ZNF525: variants seen among roughly 807,000 people sequenced by gnomAD.
ZNF525 encodes the protein zinc finger protein 525.
In ZNF525, 33 loss-of-function variants were observed where a neutral mutation model predicts 37.6. The observed-to-expected ratio is 0.88, with a 90% CI of 0.67 to 1.17. The LOEUF is 1.17. Among genes scored for constraint, ZNF525 ranks in the 50% most tolerant of loss-of-function variants. The pLI is 0.00. For missense variants in ZNF525, 449 were observed against 543.1 expected (o/e 0.83, Z 1.72); for synonymous variants, 170 against 182.3 (o/e 0.93, Z 0.54).
chr19:53,383,120 C>T lies in ZNF525; in HGVS notation c.*1101C>T. The T allele has an allele frequency of 7.6e-7, 1 of 1,324,438 alleles. No homozygotes were observed. The highest frequency in any genetic ancestry group is 1.2e-5 in the South Asian group (1 of 85,588). 82.0% of individuals were successfully genotyped at this position (1,324,438 alleles called of 1,614,324 possible). On this transcript the variant is annotated 3_prime_UTR_variant, in exon 4 of 4. Coordinates refer to ENST00000474037, the MANE Select transcript of ZNF525 (RefSeq NM_001348156.2). ...TAATCAACAAGCACACCTTGCACGT[C>T]ATCATAGAACTCATACTGGAGAGAA...
In ZNF525 at chr19:53,386,129, C is replaced by G; in HGVS notation, c.*4110C>G. ...TGAGATGGCAACATTACACTCTAGC[C>G]TGAGCAACAAGAGCAAAACTCCATC... On this transcript the variant is annotated 3_prime_UTR_variant, in exon 4 of 4. Transcript: ENST00000474037. 4.8e-6 allele frequency: 2 copies of G among 413,564 alleles called. No individual in the cohort carries two copies. Among genetic ancestry groups the G allele is most frequent in the South Asian group, 3.9e-5 (2 of 51,006 alleles). 25.6% of individuals were successfully genotyped at this position (413,564 alleles called of 1,614,324 possible).
intron 1 of ZNF525, among the ~76,000 whole-genome samples, chr19:53,370,012 C>T (rs2085475707): frequency 1.3e-5 from 2 of 151,120 alleles, no homozygotes; most frequent in South Asian, 4.2e-4. Context: ...GCGTGAGCCA[C>T]CGCGCCCGGC....
chr19:53,368,721 G>T (rs1256375692), intron 1 of ZNF525, among the ~76,000 whole-genome samples: 4 of 152,160 alleles, frequency 2.6e-5, no homozygotes, highest in Non-Finnish European at 5.9e-5. Flanking sequence ...GGCCAGAAGG[G>T]TCGGGGTTCC....
rs1460942500 is a variant in ZNF525 at position 53,381,397 on chromosome 19, G to A, written c.818G>A (p.Cys273Tyr). 17 of 1,596,344 alleles carry A rather than the reference G, an allele frequency of 1.1e-5. No individual in the cohort carries two copies. The highest frequency in any genetic ancestry group is 1.4e-5 in the Non-Finnish European group (16 of 1,163,840). The change falls in exon 4 of 4, where the codon TGT (cysteine) becomes TAT (tyrosine). Residue 273 changes from cysteine (C) to tyrosine (Y), a missense_variant. Coordinates refer to ENST00000474037, the MANE Select transcript of ZNF525 (RefSeq NM_001348156.2). ...RCHTGEKPYK[C>Y]NECGKSFSQM... Reference sequence around the variant, plus strand: ...CACACTGGTGAGAAACCTTACAAGTGTAATGAGTGTGGCAAGTCCTTCAGT... The same window carrying A: ...CACACTGGTGAGAAACCTTACAAGTATAATGAGTGTGGCAAGTCCTTCAGT...
intron 2 of ZNF525, 71 bp downstream of exon 2, chr19:53,372,367 CT>C: frequency 1.3e-6 from 1 of 747,298 alleles, no homozygotes; most frequent in Non-Finnish European, 2.4e-6. Flanking sequence ...AGTTGGGAAT[CT>C]TCTAAGTCTG....
intron 2 of ZNF525, 24 bp from the exon 3 acceptor site, chr19:53,375,746 G>C (rs532112883): frequency 1.9e-6 from 3 of 1,612,352 alleles, no homozygotes; most frequent in Non-Finnish European, 2.5e-6. Flanking sequence ...ATAACCATTT[G>C]GTTAAAATGT....
In ZNF525 at chr19:53,381,507, C is replaced by T. The variant is rs748478250; in HGVS notation, c.928C>T (p.His310Tyr). ...TGAAGAATGTGACAAAGCTTTCAGA[C>T]ACAATTCAGCCCTTCAAAGACATAG... ...KCEECDKAFRHNSALQRHRRI... is the reference protein window; with the variant it reads ...KCEECDKAFRYNSALQRHRRI... The change falls in exon 4 of 4, where the codon CAC (histidine) becomes TAC (tyrosine). Residue 310 changes from histidine (H) to tyrosine (Y), a missense_variant. Around this residue, in one of 2 missense-constraint regions of ZNF525, gnomAD observed 271 missense variants for 381.6 expected, o/e 0.71. Transcript: ENST00000474037. The T allele has an allele frequency of 7.6e-6, 10 of 1,310,232 alleles. No homozygotes were observed. The highest frequency in any genetic ancestry group is 1.7e-5 in the Admixed American group (1 of 59,580). The allele number at this position is 1,310,232 out of a possible 1,614,324, so 81.2% of individuals were successfully genotyped here.
intron 1 of ZNF525, among the ~76,000 whole-genome samples, chr19:53,367,474 G>A (rs1469557602): frequency 1.3e-5 from 2 of 152,164 alleles, no homozygotes; most frequent in Non-Finnish European, 2.9e-5. Context: ...CTGAGTGGTA[G>A]TCTGCCTGGT....
intron 3 of ZNF525, among the ~76,000 whole-genome samples, chr19:53,379,827 C>A (rs2085546565): frequency 6.6e-6 from 1 of 152,002 alleles, no homozygotes; most frequent in Non-Finnish European, 1.5e-5. Context: ...TATGATGTAA[C>A]CCTATCTCTA....
chr19:53,382,330 G>A lies in ZNF525; in HGVS notation c.*311G>A, dbSNP rs2085572524. 7.5e-7 allele frequency: 1 copy of A among 1,326,070 alleles called. No homozygotes were observed. The highest frequency in any genetic ancestry group is 1.1e-6 in the Non-Finnish European group (1 of 920,044). The allele number at this position is 1,326,070 out of a possible 1,614,324, so 82.1% of individuals were successfully genotyped here. On this transcript the variant is annotated 3_prime_UTR_variant, in exon 4 of 4. Transcript: ENST00000474037. ...GAGAAACCTTACAAATGTGAAGAAT[G>A]TGATGAAACTTTCAGATACAAATCA...
In ZNF525 at chr19:53,372,960, G is replaced by A. The variant is rs147985833; in HGVS notation, c.15+664G>A. On this transcript the variant is annotated intron_variant, in intron 2 of 3. Coordinates refer to ENST00000474037, the MANE Select transcript of ZNF525 (RefSeq NM_001348156.2). ...GTGGTGTTACTGTGGAGAGGCTTGT[G>A]AAACAGGTGTTTTCAGTAAAAATGG... Among the ~76,000 whole-genome samples, 221 of 152,274 alleles carry A rather than the reference G, an allele frequency of 1.5e-3. 7 individuals carry two copies. In the East Asian group the frequency reaches 0.038, roughly 26 times the overall value.
In ZNF525 at chr19:53,384,189, G is replaced by A. The variant is rs2085588956; in HGVS notation, c.*2170G>A. 2.7e-6 allele frequency: 1 copy of A among 374,022 alleles called. No individual in the cohort carries two copies. The highest frequency in any genetic ancestry group is 3.9e-5 in the Admixed American group (1 of 25,852). 23.2% of individuals were successfully genotyped at this position (374,022 alleles called of 1,614,324 possible). On this transcript the variant is annotated 3_prime_UTR_variant, in exon 4 of 4. Coordinates refer to ENST00000474037, the MANE Select transcript of ZNF525 (RefSeq NM_001348156.2). The stretch of plus-strand genomic sequence containing the variant: ...CCTTAATTGACATTAAAGTGTTTAT[G>A]TTAAGAGGACTGGGCTGTGTGGCAT...
In ZNF525 at chr19:53,384,256, G is replaced by C. The variant is rs2085589490; in HGVS notation, c.*2237G>C. 4.3e-6 allele frequency: 1 copy of C among 233,866 alleles called. No homozygotes were observed. The highest frequency in any genetic ancestry group is 1.3e-4 in the East Asian group (1 of 7,446). The allele number at this position is 233,866 out of a possible 1,614,324, so 14.5% of individuals were successfully genotyped here. On this transcript the variant is annotated 3_prime_UTR_variant, in exon 4 of 4. Coordinates refer to ENST00000474037, the MANE Select transcript of ZNF525 (RefSeq NM_001348156.2). ...CCCAGCACTTTGGTAGGCCAAGGTG[G>C]GTAAATCACTTGAGGTCAGGAGTTT...
intron 1 of ZNF525, among the ~76,000 whole-genome samples, chr19:53,368,983 C>T (rs6509749): frequency 0.014 from 2,136 of 152,160 alleles, 51 homozygotes; most frequent in African/African-American, 0.048. Context: ...GGCATGCATA[C>T]GTATCTGTAG....
intron 1 of ZNF525, among the ~76,000 whole-genome samples, chr19:53,370,284 GGGTGGA>G (rs1465338601): frequency 6.6e-6 from 1 of 151,092 alleles, no homozygotes; most frequent in Non-Finnish European, 1.5e-5. Flanking sequence ...GCCAGATGTT[GGGTGGA>G]TGCCTGTAGT....
rs2085492255 is a variant in ZNF525, at chr19:53,372,198, A to G, written c.-67-17A>G. 4.4e-6 allele frequency: 3 copies of G among 678,354 alleles called. No homozygotes were observed. Among genetic ancestry groups the G allele is most frequent in the Admixed American group, 2.2e-5 (1 of 44,914 alleles). The allele number at this position is 678,354 out of a possible 1,614,324, so 42.0% of individuals were successfully genotyped here. ...GTGTTGATTCTGAGCAATAAACAAC[A>G]TATTTTTATCACTCAGGATTGACAT... On this transcript the variant is annotated splice_polypyrimidine_tract_variant and intron_variant, in intron 1 of 3. Coordinates refer to ENST00000474037, the MANE Select transcript of ZNF525 (RefSeq NM_001348156.2).
At chr19:53,366,528 G>C (rs2085446182) in intron 1 of ZNF525, among the ~76,000 whole-genome samples, 1 of 121,410 alleles carries the variant, frequency 8.2e-6, no homozygotes, top group Non-Finnish European at 1.7e-5. Context: ...TTTGCCAAGA[G>C]ACAGCAAAAG....
chr19:53,374,179 AG>A (rs1180116234), intron 2 of ZNF525, among the ~76,000 whole-genome samples: 16 of 152,016 alleles, frequency 1.1e-4, no homozygotes, highest in African/African-American at 3.6e-4. Flanking sequence ...CTCCTTGCCC[AG>A]CCCCCAATAG....
In ZNF525 at chr19:53,382,417, G is replaced by A; in HGVS notation, c.*398G>A. On this transcript the variant is annotated 3_prime_UTR_variant, in exon 4 of 4. Transcript: ENST00000474037. ...AAACCGTACAAGTGTAATGAGTGTG[G>A]CAAGACCTTCAGTCAGAAGTCATGC... The A allele has an allele frequency of 1.1e-6, 1 of 899,638 alleles. No homozygotes were observed. The highest frequency in any genetic ancestry group is 1.9e-6 in the Non-Finnish European group (1 of 540,532). The allele number at this position is 899,638 out of a possible 1,614,324, so 55.7% of individuals were successfully genotyped here.
Sources: allele counts gnomAD v4.1 joint callset (sites outside exome capture counted in the v4.1 genomes callset), GRCh38; gene constraint gnomAD v4.1.1; regional missense constraint gnomAD v4.1.1; transcripts MANE v1.5; gene names NCBI Gene and HGNC (gene_info 2026-07-23, HGNC 2026-07-21).